Variants in C18orf63 observed in about 807,000 individuals in gnomAD.
C18orf63 encodes uncharacterized protein C18orf63.
A neutral mutation model predicts 75.3 loss-of-function variants in C18orf63; 50 were observed. The observed-to-expected ratio is 0.66, with a 90% CI of 0.53 to 0.84. The LOEUF is 0.84. C18orf63 is among the 40% of genes least tolerant of loss of function. C18orf63 has a pLI of 0.00. For synonymous variants in C18orf63, 232 were observed against 267.6 expected (o/e 0.87, Z 1.30); for missense variants, 732 against 800.2 (o/e 0.91, Z 1.03).
chr18:74,339,636 T>C (rs1459757510), intron 8 of C18orf63, among the ~76,000 whole-genome samples: 2 of 152,140 alleles, frequency 1.3e-5, no homozygotes, highest in Non-Finnish European at 2.9e-5. Context: ...CTAGAAGTCC[T>C]AGCTAGAGCA....
At chr18:74,347,421 C>A (rs2145129795) in intron 11 of C18orf63, among the ~76,000 whole-genome samples, 1 of 152,292 alleles carries the variant, frequency 6.6e-6, no homozygotes, top group East Asian at 1.9e-4. Context: ...GATAGCCAGG[C>A]CTTTATAACC....
Position 74,354,031 on chromosome 18 carries a change from A to G in C18orf63, c.1764A>G (p.Leu588=). Residue 588 remains leucine (L), a synonymous_variant, in exon 12 of 14, where the codon CTA becomes CTG. Coordinates refer to ENST00000579455, the MANE Select transcript of C18orf63 (RefSeq NM_001174123.2). ...TTTTAGGGAAAAGCCATGGGTCACT[A>G]AAACTGAAAAGACAGCCACACATTT... The part of the protein sequence containing the change: ...TQILGKSHGS[L]KLKRQPHIFE... The G allele has an allele frequency of 6.5e-7, 1 of 1,536,446 alleles. No homozygotes were observed. Among genetic ancestry groups the G allele is most frequent in the Non-Finnish European group, 8.7e-7 (1 of 1,146,952 alleles).
intron 2 of C18orf63, among the ~76,000 whole-genome samples, chr18:74,319,567 GTTTGT>G (rs1390321854): frequency 6.6e-6 from 1 of 152,148 alleles, no homozygotes; most frequent in Non-Finnish European, 1.5e-5. Flanking sequence ...TTCTGATGAT[GTTTGT>G]TTTAAGTTCA....
intron 8 of C18orf63, among the ~76,000 whole-genome samples, chr18:74,341,312 T>C (rs1984481864): frequency 6.9e-6 from 1 of 144,534 alleles, no homozygotes; most frequent in African/African-American, 2.6e-5. Context: ...AAGTATTAGG[T>C]TGGTGCAAAA....
intron 4 of C18orf63, among the ~76,000 whole-genome samples, chr18:74,323,274 C>G (rs1984155749): frequency 1.3e-5 from 2 of 152,136 alleles, no homozygotes; most frequent in Admixed American, 1.3e-4. Flanking sequence ...CATTGGTTAT[C>G]CCAGAAGCAA....
intron 11 of C18orf63, among the ~76,000 whole-genome samples, chr18:74,349,667 A>G (rs1387534594): frequency 6.6e-6 from 1 of 152,036 alleles, no homozygotes; most frequent in Non-Finnish European, 1.5e-5. Flanking sequence ...TTTCAAAACC[A>G]TCCCCCCCAC....
intron 11 of C18orf63, among the ~76,000 whole-genome samples, chr18:74,352,396 G>T (rs1984681781): frequency 1.3e-5 from 2 of 152,090 alleles, no homozygotes; most frequent in South Asian, 4.1e-4. Flanking sequence ...TGGTTAAAAT[G>T]GTAAATTTTA....
At chr18:74,346,563 G>A (rs1174143751) in intron 11 of C18orf63, among the ~76,000 whole-genome samples, 1 of 152,138 alleles carries the variant, frequency 6.6e-6, no homozygotes, top group East Asian at 1.9e-4. Flanking sequence ...TTAAAGTTTT[G>A]TCCAGACATA....
chr18:74,320,660 G>A (rs28701630), intron 3 of C18orf63, 69 bp downstream of exon 3: 157,329 of 899,780 alleles, frequency 0.17, 14,441 homozygotes, highest in Admixed American at 0.25. Flanking sequence ...AATAATTTAG[G>A]TATTATAGCT....
At chr18:74,330,812 T>A (rs1220710923) in intron 6 of C18orf63, 54 bp from the exon 7 acceptor site, 1 of 670,828 alleles carries the variant, frequency 1.5e-6, no homozygotes, top group African/African-American at 1.9e-5. Flanking sequence ...AATACTTAAT[T>A]TAATAGTAGA....
intron 11 of C18orf63, among the ~76,000 whole-genome samples, chr18:74,344,337 G>A (rs1984536590): frequency 1.3e-5 from 2 of 151,946 alleles, no homozygotes; most frequent in Admixed American, 1.3e-4. Context: ...GGAAACTATT[G>A]GGGAGGGAGG....
At chr18:74,340,595 G>C (rs1290185307) in intron 8 of C18orf63, among the ~76,000 whole-genome samples, 1 of 152,154 alleles carries the variant, frequency 6.6e-6, no homozygotes, top group South Asian at 2.1e-4. Context: ...CCAAGATGTG[G>C]AATCAACCTA....
At chr18:74,342,379 A>T (rs1227269904) in intron 10 of C18orf63, 53 bp downstream of exon 10, 42 of 1,081,436 alleles carry the variant, frequency 3.9e-5, no homozygotes, top group Non-Finnish European at 5.7e-5. Flanking sequence ...CTTATAATCT[A>T]GTTTTGCTCC....
chr18:74,354,855 T>C (rs1984736605), intron 13 of C18orf63, among the ~76,000 whole-genome samples: 2 of 152,184 alleles, frequency 1.3e-5, no homozygotes, highest in Admixed American at 1.3e-4. Context: ...TATCTAAAAA[T>C]AGAAGATTTG....
intron 3 of C18orf63, among the ~76,000 whole-genome samples, 191 bp downstream of exon 3, chr18:74,320,782 G>T (rs1281810350): frequency 6.6e-6 from 1 of 151,990 alleles, no homozygotes; most frequent in Non-Finnish European, 1.5e-5. Flanking sequence ...CATTTTTGTG[G>T]TTCTAATTTA....
intron 3 of C18orf63, among the ~76,000 whole-genome samples, chr18:74,321,807 C>T (rs1169736224): frequency 6.6e-6 from 1 of 151,092 alleles, no homozygotes; most frequent in African/African-American, 2.5e-5. Context: ...AAATGTATTG[C>T]TTTCTTACAA....
chr18:74,345,667 C>T (rs1599008306), intron 11 of C18orf63, among the ~76,000 whole-genome samples: 1 of 152,050 alleles, frequency 6.6e-6, no homozygotes, highest in Admixed American at 6.6e-5. Context: ...TTTCTCCCCT[C>T]AGTACTTTGC....
intron 11 of C18orf63, among the ~76,000 whole-genome samples, chr18:74,348,425 CA>C (rs1282415600): frequency 3.9e-5 from 6 of 152,126 alleles, no homozygotes; most frequent in African/African-American, 1.4e-4. Flanking sequence ...TGCACTGAAC[CA>C]AATTTTGATC....
intron 7 of C18orf63, among the ~76,000 whole-genome samples, chr18:74,332,050 C>T (rs563550846): frequency 5.9e-4 from 90 of 152,250 alleles, no homozygotes; most frequent in Non-Finnish European, 1.0e-3. Context: ...CGTGTGTGAT[C>T]TCCCACCCTC....
Sources: gnomAD v4.1 joint callset for allele counts (sites outside exome capture counted in the v4.1 genomes callset) on GRCh38, gnomAD v4.1.1 for gene constraint, MANE v1.5 for transcripts, NCBI Gene and HGNC (gene_info 2026-07-23, HGNC 2026-07-21) for gene names.